AMOTL1: variants seen among roughly 807,000 people sequenced by gnomAD.
AMOTL1 encodes angiomotin-like protein 1.
Under a neutral mutation model 102.9 loss-of-function variants are expected in AMOTL1, and 45 were observed. The observed-to-expected ratio is 0.44, with a 90% CI of 0.34 to 0.56. The LOEUF (loss-of-function observed/expected upper bound fraction) is 0.56, where lower values mean the gene tolerates loss of function less well. Among genes scored for constraint, AMOTL1 ranks in the 20% least tolerant of loss-of-function variants. The pLI, the probability that AMOTL1 is intolerant of heterozygous loss-of-function variation, is 0.01. For missense variants in AMOTL1, 1,114 were observed against 1,225.6 expected, an observed-to-expected ratio of 0.91 and a Z score of 1.36; for synonymous variants, 481 against 484.7, an observed-to-expected ratio of 0.99 and a Z score of 0.10.
chr11:94,726,352 C>T (rs1950257857), intron 1 of AMOTL1, among the ~76,000 whole-genome samples: 2 of 152,200 alleles, frequency 1.3e-5, no homozygotes, highest in Admixed American at 6.5e-5. Context: ...CCACACTGGG[C>T]ATTTATTCAT....
At chr11:94,744,127 T>C (rs972041239) in intron 3 of AMOTL1, among the ~76,000 whole-genome samples, 2 of 152,210 alleles carry the variant, frequency 1.3e-5, no homozygotes, top group African/African-American at 4.8e-5. Flanking sequence ...TGCAAGACTA[T>C]CTACCACTTC....
rs769331401 is a variant in AMOTL1, at chr11:94,799,791, T to C, written c.601T>C (p.Phe201Leu). 20 of 1,602,690 alleles carry C rather than the reference T, an allele frequency of 1.2e-5. No homozygotes were observed. The South Asian group carries it at 2.2e-4, about 18-fold the overall frequency. The change falls in exon 3 of 13, where the codon TTC (phenylalanine) becomes CTC (leucine). Residue 201 changes from phenylalanine to leucine, a missense_variant. Transcript: ENST00000433060. This position sits in a 1 kb window ranked among gnomAD's most constrained non-coding sequence, Gnocchi z 4.5. ...YEEAKAQSQF[F>L]RGQQQQQQQQ... ...GGAGGCCAAAGCACAGTCGCAGTTCTTCAGGGGGCAGCAGCAGCAGCAACA... is the reference window on the plus strand; with the variant it reads ...GGAGGCCAAAGCACAGTCGCAGTTCCTCAGGGGGCAGCAGCAGCAGCAACA...
chr11:94,711,488 T>C (rs1950021318), intron 1 of AMOTL1, among the ~76,000 whole-genome samples: 1 of 152,140 alleles, frequency 6.6e-6, no homozygotes, highest in Non-Finnish European at 1.5e-5. Flanking sequence ...TGTTTGTGTG[T>C]GTGATTGTAT....
intron 1 of AMOTL1, among the ~76,000 whole-genome samples, chr11:94,791,163 A>G (rs1306948683): frequency 6.6e-6 from 1 of 152,244 alleles, no homozygotes; most frequent in Non-Finnish European, 1.5e-5. Context: ...AGGAGTTTTC[A>G]TGTTGACAAA....
chr11:94,797,455 G>T (rs1951390783), intron 2 of AMOTL1, among the ~76,000 whole-genome samples: 1 of 152,188 alleles, frequency 6.6e-6, no homozygotes, highest in South Asian at 2.1e-4. Context: ...CTTTGTTTTG[G>T]GGAGACCCAG....
intron 3 of AMOTL1, among the ~76,000 whole-genome samples, chr11:94,745,450 A>T (rs1020458438): frequency 3.3e-5 from 5 of 152,216 alleles, no homozygotes; most frequent in African/African-American, 9.6e-5. Flanking sequence ...TGAATAAAAA[A>T]AAGATGCTCC....
intron 1 of AMOTL1, among the ~76,000 whole-genome samples, chr11:94,781,006 T>G (rs1171709876): frequency 1.3e-5 from 2 of 152,164 alleles, no homozygotes; most frequent in East Asian, 3.9e-4. Flanking sequence ...CTCTTTCCCC[T>G]TCAGTCATCA....
At chr11:94,712,957 GTTTTATACTTCACATT>G (rs1248510954) in intron 1 of AMOTL1, among the ~76,000 whole-genome samples, 1 of 151,788 alleles carries the variant, frequency 6.6e-6, no homozygotes, top group East Asian at 1.9e-4. Flanking sequence ...AAGATTTATA[GTTTTATACTTCACATT>G]TAGGTCTTTA....
intron 3 of AMOTL1, among the ~76,000 whole-genome samples, chr11:94,801,561 G>A (rs188331797): frequency 3.3e-4 from 51 of 152,250 alleles, no homozygotes; most frequent in East Asian, 5.8e-4. Flanking sequence ...GGAGCCCCAC[G>A]CCACAAGGAG....
At chr11:94,797,188 T>A (rs983694309) in intron 2 of AMOTL1, among the ~76,000 whole-genome samples, 2 of 152,222 alleles carry the variant, frequency 1.3e-5, no homozygotes, top group Non-Finnish European at 1.5e-5. Flanking sequence ...GAGTGAAGGC[T>A]GCCTAGAGAT....
At chr11:94,817,233 G>A (rs539161023) in intron 3 of AMOTL1, among the ~76,000 whole-genome samples, 9 of 151,724 alleles carry the variant, frequency 5.9e-5, no homozygotes, top group South Asian at 2.1e-4. Context: ...TTTGGAAATC[G>A]TTGAGTTATC....
At position 94,872,787 on chromosome 11, in the gene AMOTL1, A is replaced by G. The variant is rs1953025211; in HGVS notation, c.*1992A>G. The G allele has an allele frequency of 6.6e-6, 1 of 152,260 alleles. No individual in the cohort carries two copies. Among genetic ancestry groups the G allele is most frequent in the Non-Finnish European group, 1.5e-5 (1 of 68,100 alleles). The allele number at this position is 152,260 out of a possible 1,614,324, so 9.4% of individuals were successfully genotyped here. ...CTGAGCATGGAGCTCACCCCATGCCATAGGGTGTGGGAAGAGGGCACAGGA... is the reference window on the plus strand; with the variant it reads ...CTGAGCATGGAGCTCACCCCATGCCGTAGGGTGTGGGAAGAGGGCACAGGA... On this transcript the variant is annotated 3_prime_UTR_variant, in exon 13 of 13. Coordinates refer to ENST00000433060, the MANE Select transcript of AMOTL1 (RefSeq NM_130847.3).
chr11:94,851,143 A>AT (rs1952529401), intron 7 of AMOTL1, among the ~76,000 whole-genome samples: 1 of 152,172 alleles, frequency 6.6e-6, no homozygotes. Context: ...ACAGCCTTCC[A>AT]TGTTGCCACT....
At chr11:94,768,685 G>A in intron 1 of AMOTL1, 125 bp downstream of exon 1, 1 of 1,359,194 alleles carries the variant, frequency 7.4e-7, no homozygotes, top group Non-Finnish European at 1.0e-6. Context: ...GGGGCCCGGG[G>A]CTGAGATCCC....
intron 3 of AMOTL1, among the ~76,000 whole-genome samples, chr11:94,801,513 C>T (rs1329408927): frequency 2.0e-5 from 3 of 152,098 alleles, no homozygotes; most frequent in African/African-American, 7.2e-5. Flanking sequence ...GGATGTCTAA[C>T]AGCTGATTTT....
At chr11:94,713,592 G>A (rs1487224601) in intron 1 of AMOTL1, among the ~76,000 whole-genome samples, 1 of 151,652 alleles carries the variant, frequency 6.6e-6, no homozygotes, top group African/African-American at 2.4e-5. Flanking sequence ...GATTCTGTAG[G>A]TATTTTGTTA....
At position 94,872,993 on chromosome 11, in the gene AMOTL1, C is replaced by G. The variant is rs1189018242; in HGVS notation, c.*2198C>G. On this transcript the variant is annotated 3_prime_UTR_variant, in exon 13 of 13. Coordinates refer to ENST00000433060, the MANE Select transcript of AMOTL1 (RefSeq NM_130847.3). ...GGGGATGGACCAGAAAGGAAAATGT[C>G]TAGAGATAGGAAGGTAAATCAACTC... 3.3e-5 allele frequency: 5 copies of G among 152,136 alleles called. No homozygotes were observed. Among genetic ancestry groups the G allele is most frequent in the Non-Finnish European group, 7.3e-5 (5 of 68,032 alleles). 9.4% of individuals were successfully genotyped at this position (152,136 alleles called of 1,614,324 possible). A position where few individuals can be genotyped will look rare whatever the true frequency, so the allele number is the denominator to read the frequency against.
chr11:94,825,894 C>A (rs1386120399), intron 4 of AMOTL1, among the ~76,000 whole-genome samples: 4 of 152,236 alleles, frequency 2.6e-5, no homozygotes, highest in African/African-American at 7.2e-5. Context: ...AGGTATTCAT[C>A]TTTTACTTGA....
chr11:94,753,337 CT>C (rs1455038190), intron 3 of AMOTL1, among the ~76,000 whole-genome samples: 1 of 148,352 alleles, frequency 6.7e-6, no homozygotes, highest in Non-Finnish European at 1.5e-5. Flanking sequence ...CTGTCTTCCC[CT>C]CCTTGCCTTG....
Sources: gnomAD v4.1 joint callset for allele counts (sites outside exome capture counted in the v4.1 genomes callset) on GRCh38, gnomAD v4.1.1 for gene constraint, Gnocchi (gnomAD v3.1) non-coding constraint, MANE v1.5 for transcripts, NCBI Gene and HGNC (gene_info 2026-07-23, HGNC 2026-07-21) for gene names.